MAPK8IP3: variants seen among roughly 807,000 people sequenced by gnomAD.
The protein encoded by MAPK8IP3 is C-Jun-amino-terminal kinase-interacting protein 3.
A neutral mutation model predicts 157.8 loss-of-function variants in MAPK8IP3; 49 were observed. The observed-to-expected ratio is 0.31, with a 90% CI of 0.25 to 0.39. MAPK8IP3 has a LOEUF of 0.39. MAPK8IP3 is among the 10% of genes least tolerant of loss of function. MAPK8IP3 has a pLI of 1.00. For missense variants in MAPK8IP3, 1,478 were observed against 1,889.4 expected (o/e 0.78, Z 4.04); for synonymous variants, 897 against 777.7 (o/e 1.15, Z -2.55).
chr16:1,743,290 C>T lies in MAPK8IP3; in HGVS notation c.603-42C>T. On this transcript the variant is annotated intron_variant, in intron 4 of 31. Transcript: ENST00000610761. The surrounding 1 kb of genome is among the most constrained non-coding windows in gnomAD (Gnocchi z 5.6). ...AGGGCTTGGGAAATCTTCACGGCCA[C>T]CCTCTAACCATCGCTTCCTCTCCTC... 6.6e-7 allele frequency: 1 copy of T among 1,509,168 alleles called. No homozygotes were observed. The highest frequency in any genetic ancestry group is 8.8e-7 in the Non-Finnish European group (1 of 1,134,560). The allele number at this position is 1,509,168 out of a possible 1,614,324, so 93.5% of individuals were successfully genotyped here.
chr16:1,762,353 C>A lies in MAPK8IP3; in HGVS notation c.1542C>A (p.Asp514Glu). 6.4e-7 allele frequency: 1 copy of A among 1,572,060 alleles called. No individual in the cohort carries two copies. Among genetic ancestry groups the A allele is most frequent in the Admixed American group, 1.8e-5 (1 of 54,474 alleles). The part of the protein sequence containing the change: ...DVSSYLCTES[D>E]KIPMAQRRRF... ...CCTCTGTGCCCCTCCCTCCGCAGGA[C>A]AAAATCCCCATGGCCCAGCGCCGCC... The change falls in exon 14 of 32, where the codon GAC becomes GAA. Residue 514 changes from aspartate to glutamate, a missense_variant and splice_region_variant. Asp to Glu is a conservative substitution (Grantham distance 45, BLOSUM62 2). Coordinates refer to ENST00000610761, the MANE Select transcript of MAPK8IP3 (RefSeq NM_001318852.2).
chr16:1,706,441 C>G lies in MAPK8IP3; in HGVS notation c.102C>G (p.Gly34=), dbSNP rs543526477. The part of the protein sequence containing the change: ...VMSERVSGLA[G]SIYREFERLI... ...CGGAGCGGGTGTCGGGCCTGGCGGG[C>G]TCCATCTACCGCGAGTTCGAGCGCC... The change falls in exon 1 of 32, where the codon GGC becomes GGG. Residue 34 remains glycine (G), a synonymous_variant. Coordinates refer to ENST00000610761, the MANE Select transcript of MAPK8IP3 (RefSeq NM_001318852.2). The surrounding 1 kb of genome is among the most constrained non-coding windows in gnomAD (Gnocchi z 5.1). 1.4e-4 allele frequency: 222 copies of G among 1,613,890 alleles called. 5 individuals carry two copies. The South Asian group carries it at 2.3e-3, about 16-fold the overall frequency.
intron 10 of MAPK8IP3, among the ~76,000 whole-genome samples, chr16:1,759,260 G>T (rs761470608): frequency 1.7e-5 from 2 of 119,442 alleles, no homozygotes; most frequent in Admixed American, 1.5e-4. Context: ...GACCCTGCCT[G>T]TGGGGAGGAA....
Position 1,764,398 on chromosome 16 carries a change from C to T in MAPK8IP3, c.2219C>T (p.Thr740Ile). ...VKPAPGRDPL[T>I]CDREGDGEPK... ...CCAGCGCCAGGCCGCGATCCCCTGA[C>T]CTGCGACCGCGAAGGAGACGGCGAG... Residue 740 changes from threonine to isoleucine, a missense_variant, in exon 19 of 32, where the codon ACC becomes ATC. Transcript: ENST00000610761. The T allele has an allele frequency of 1.9e-6, 3 of 1,602,180 alleles. No homozygotes were observed. Among genetic ancestry groups the T allele is most frequent in the Non-Finnish European group, 1.7e-6 (2 of 1,175,976 alleles).
In MAPK8IP3 at chr16:1,724,463, C is replaced by A; in HGVS notation, c.319-94C>A. On this transcript the variant is annotated intron_variant, in intron 1 of 31. Transcript: ENST00000610761. The surrounding 1 kb of genome is among the most constrained non-coding windows in gnomAD (Gnocchi z 4.1). ...TTGTGGCCCTGGGGACATCTTTGGC[C>A]CCTGGGCCCTCAAAGCCTGCGGCCC... 6.6e-7 allele frequency: 1 copy of A among 1,509,064 alleles called. No individual in the cohort carries two copies. Among genetic ancestry groups the A allele is most frequent in the Admixed American group, 1.9e-5 (1 of 52,944 alleles). 93.5% of individuals were successfully genotyped at this position (1,509,064 alleles called of 1,614,324 possible). A position where few individuals can be genotyped will look rare whatever the true frequency, so the allele number is the denominator to read the frequency against.
At position 1,743,098 on chromosome 16, in the gene MAPK8IP3, A is replaced by AAAAAT. The variant is rs542720503; in HGVS notation, c.603-208_603-204dup. On this transcript the variant is annotated intron_variant, in intron 4 of 31. Coordinates refer to ENST00000610761, the MANE Select transcript of MAPK8IP3 (RefSeq NM_001318852.2). This position sits in a 1 kb window ranked among gnomAD's most constrained non-coding sequence, Gnocchi z 5.6. ...TGACAGAGCGAGACTCCGCCTCAAA[A>AAAAAT]AAAATAAAATAAAATAAAATAAAAT... 1.3e-3 allele frequency among the ~76,000 whole-genome samples: 197 copies of AAAAAT among 152,212 alleles called. 1 individual carries two copies. The highest frequency in any genetic ancestry group is 3.4e-3 in the Middle Eastern group (1 of 294).
chr16:1,706,698 C>T lies in MAPK8IP3; in HGVS notation c.318+41C>T, dbSNP rs994327216. 2 of 1,497,018 alleles carry T rather than the reference C, an allele frequency of 1.3e-6. No individual in the cohort carries two copies. Among genetic ancestry groups the T allele is most frequent in the Admixed American group, 4.1e-5 (2 of 48,898 alleles). 92.7% of individuals were successfully genotyped at this position (1,497,018 alleles called of 1,614,324 possible). Reference sequence around the variant, plus strand: ...GACCCGCCCGCATCCCCGTCCCGGACCCCCAGCCAGCCCCGGGCCCCGGAC... The same window carrying T: ...GACCCGCCCGCATCCCCGTCCCGGATCCCCAGCCAGCCCCGGGCCCCGGAC... On this transcript the variant is annotated intron_variant, in intron 1 of 31. Transcript: ENST00000610761. The surrounding 1 kb of genome is among the most constrained non-coding windows in gnomAD (Gnocchi z 5.1).
At chr16:1,763,808 G>A in intron 17 of MAPK8IP3, 25 bp downstream of exon 17, 1 of 1,462,712 alleles carries the variant, frequency 6.8e-7, no homozygotes, top group Non-Finnish European at 9.0e-7. Flanking sequence ...TGCGGGGACC[G>A]GGCGGGGCCC....
rs530249096 is a variant in MAPK8IP3, at chr16:1,769,297, G to T, written c.*473G>T. ...CACTCTGCCTAGGGGAGCTGGGCCAGGCACTAGCCTTTGCCCAGGGAGGTG... is the reference window on the plus strand; with the variant it reads ...CACTCTGCCTAGGGGAGCTGGGCCATGCACTAGCCTTTGCCCAGGGAGGTG... On this transcript the variant is annotated 3_prime_UTR_variant, in exon 32 of 32. Transcript: ENST00000610761. 2.3e-5 allele frequency: 4 copies of T among 174,382 alleles called. No individual in the cohort carries two copies. Among genetic ancestry groups the T allele is most frequent in the Admixed American group, 2.2e-4 (4 of 18,080 alleles). 10.8% of individuals were successfully genotyped at this position (174,382 alleles called of 1,614,324 possible). A position where few individuals can be genotyped will look rare whatever the true frequency, so the allele number is the denominator to read the frequency against.
chr16:1,764,785 G>A (rs2294620), intron 19 of MAPK8IP3, among the ~76,000 whole-genome samples: 16,754 of 152,170 alleles, frequency 0.11, 1,089 homozygotes, highest in East Asian at 0.27. Flanking sequence ...CCCAGCTTGG[G>A]CCTCTTGGAG....
chr16:1,733,625 G>A (rs993565150), intron 4 of MAPK8IP3, among the ~76,000 whole-genome samples: 18 of 152,210 alleles, frequency 1.2e-4, no homozygotes, highest in Non-Finnish European at 2.1e-4. Flanking sequence ...TGGGCTGGGC[G>A]CCGCCCCCGT....
At chr16:1,723,923 C>G (rs2038699990) in intron 1 of MAPK8IP3, among the ~76,000 whole-genome samples, 1 of 152,136 alleles carries the variant, frequency 6.6e-6, no homozygotes, top group Non-Finnish European at 1.5e-5. Context: ...GATTCCAAAC[C>G]TAGACCAATC....
chr16:1,706,284 G>A lies in MAPK8IP3; in HGVS notation c.-56G>A. 1 of 1,463,944 alleles carries A rather than the reference G, an allele frequency of 6.8e-7. No homozygotes were observed. 90.7% of individuals were successfully genotyped at this position (1,463,944 alleles called of 1,614,324 possible). Reference sequence around the variant, plus strand: ...GCCTGCGGAACCTGAGGCAGCTGGGGAGGGCCGGGCGCGCCGGCCGGATAG... The same window carrying A: ...GCCTGCGGAACCTGAGGCAGCTGGGAAGGGCCGGGCGCGCCGGCCGGATAG... On this transcript the variant is annotated 5_prime_UTR_variant, in exon 1 of 32. Coordinates refer to ENST00000610761, the MANE Select transcript of MAPK8IP3 (RefSeq NM_001318852.2). The surrounding 1 kb of genome is among the most constrained non-coding windows in gnomAD (Gnocchi z 5.1).
At chr16:1,730,207 T>A (rs927607270) in intron 4 of MAPK8IP3, among the ~76,000 whole-genome samples, 1 of 151,964 alleles carries the variant, frequency 6.6e-6, no homozygotes, top group African/African-American at 2.4e-5. Context: ...GCTGCAGTGA[T>A]CTACAGTCGC....
Position 1,706,329 on chromosome 16 carries a change from C to T in MAPK8IP3, c.-11C>T, listed in dbSNP as rs12918057. On this transcript the variant is annotated 5_prime_UTR_variant, in exon 1 of 32. Transcript: ENST00000610761. The surrounding 1 kb of genome is among the most constrained non-coding windows in gnomAD (Gnocchi z 5.1). ...GGATAGCGAGCCGCGCTGGCGGCGG[C>T]GGTGGCCGCGATGATGGAGATCCAG... The T allele has an allele frequency of 1.3e-6, 2 of 1,543,574 alleles. No individual in the cohort carries two copies. The highest frequency in any genetic ancestry group is 1.7e-6 in the Non-Finnish European group (2 of 1,144,636).
In MAPK8IP3 at chr16:1,762,845, C is replaced by T. The variant is rs1378954240; in HGVS notation, c.1737C>T (p.Arg579=). The T allele has an allele frequency of 3.7e-6, 6 of 1,612,280 alleles. No individual in the cohort carries two copies. In the Middle Eastern group the frequency reaches 6.6e-4, roughly 178 times the overall value. Residue 579 remains arginine (R), a synonymous_variant, in exon 16 of 32, where the codon CGC becomes CGT. Transcript: ENST00000610761. ...KKSTIWQFFS[R]LFSSSSSPPP... ...CCTGTGCCTCTGGCAGCTTCAGCCG[C>T]CTCTTCAGCTCTTCCTCCAGCCCCC...
Position 1,764,105 on chromosome 16 carries a change from C to T in MAPK8IP3, c.2026-10C>T, listed in dbSNP as rs771955579. 4 of 1,600,954 alleles carry T rather than the reference C, an allele frequency of 2.5e-6. No individual in the cohort carries two copies. In the African/African-American group the frequency reaches 4.0e-5, roughly 16 times the overall value. ...GGTTCGTGCCCACGGCGCCTCCCTG[C>T]TCCCTGCAGCTGAGTCCCAACGGGG... On this transcript the variant is annotated splice_polypyrimidine_tract_variant and intron_variant, in intron 17 of 31. Coordinates refer to ENST00000610761, the MANE Select transcript of MAPK8IP3 (RefSeq NM_001318852.2).
intron 1 of MAPK8IP3, among the ~76,000 whole-genome samples, chr16:1,721,056 G>A (rs1268825631): frequency 6.6e-6 from 1 of 150,740 alleles, no homozygotes; most frequent in Non-Finnish European, 1.5e-5. Flanking sequence ...AACAAAACAA[G>A]GCTGGGCATG....
intron 4 of MAPK8IP3, among the ~76,000 whole-genome samples, chr16:1,735,578 CGT>C (rs1037519568): frequency 7.3e-6 from 1 of 136,682 alleles, no homozygotes; most frequent in Non-Finnish European, 1.5e-5. Context: ...TGTGAGAGTC[CGT>C]GTGACCATCC....
Sources: allele counts gnomAD v4.1 joint callset (sites outside exome capture counted in the v4.1 genomes callset), GRCh38; gene constraint gnomAD v4.1.1; non-coding constraint Gnocchi (gnomAD v3.1); transcripts MANE v1.5; gene names NCBI Gene and HGNC (gene_info 2026-07-23, HGNC 2026-07-21).